Variants in MAGI2 observed in about 807,000 individuals in gnomAD.
The protein encoded by MAGI2 is membrane associated guanylate kinase, WW and PDZ domain containing 2.
A neutral mutation model predicts 133.3 loss-of-function variants in MAGI2; 35 were observed. That is an observed-to-expected ratio of 0.26 (90% CI 0.20 to 0.35). MAGI2 has a LOEUF of 0.35. MAGI2 is among the 10% of genes least tolerant of loss of function. MAGI2 has a pLI of 1.00. For synonymous variants in MAGI2, 729 were observed against 710.6 expected, an observed-to-expected ratio of 1.03 and a Z score of -0.41; for missense variants, 1,636 against 1,863.4, an observed-to-expected ratio of 0.88 and a Z score of 2.25.
chr7:78,472,354 T>G (rs562116021), intron 6 of MAGI2, among the ~76,000 whole-genome samples: 2 of 152,124 alleles, frequency 1.3e-5, no homozygotes, highest in East Asian at 1.9e-4. Flanking sequence ...TGAATAGAAG[T>G]CAACAACTTT....
chr7:79,187,368 T>C (rs1172912771), intron 1 of MAGI2, among the ~76,000 whole-genome samples: 7 of 151,708 alleles, frequency 4.6e-5, no homozygotes, highest in South Asian at 2.1e-4. Flanking sequence ...CTATCTCAGG[T>C]AGAACGATTA....
chr7:78,547,756 C>T (rs180713641), intron 3 of MAGI2, among the ~76,000 whole-genome samples: 2 of 152,338 alleles, frequency 1.3e-5, no homozygotes, highest in African/African-American at 4.8e-5. Context: ...CCAGAGAAAA[C>T]CCACACAGAC....
intron 1 of MAGI2, among the ~76,000 whole-genome samples, chr7:79,332,174 T>C (rs1240285281): frequency 1.3e-5 from 2 of 152,168 alleles, no homozygotes; most frequent in Non-Finnish European, 2.9e-5. Flanking sequence ...AAGGGATGAT[T>C]AGTGCAAAAG....
intron 3 of MAGI2, among the ~76,000 whole-genome samples, chr7:78,555,715 C>T (rs1299869711): frequency 1.3e-5 from 2 of 152,146 alleles, no homozygotes; most frequent in South Asian, 2.1e-4. Flanking sequence ...CTTACCATTA[C>T]CACATTTGAG....
chr7:78,891,316 C>T (rs1669844639), intron 2 of MAGI2, among the ~76,000 whole-genome samples: 2 of 152,166 alleles, frequency 1.3e-5, no homozygotes, highest in African/African-American at 4.8e-5. Context: ...GGAGCTGGTA[C>T]CATTAATTCT....
At chr7:79,336,297 G>T (rs1429302928) in intron 1 of MAGI2, among the ~76,000 whole-genome samples, 1 of 152,018 alleles carries the variant, frequency 6.6e-6, no homozygotes, top group Non-Finnish European at 1.5e-5. Flanking sequence ...GCTCTGACAG[G>T]ATTTGAGGCT....
intron 6 of MAGI2, among the ~76,000 whole-genome samples, chr7:78,384,162 T>A (rs550157259): frequency 6.6e-6 from 1 of 152,312 alleles, no homozygotes; most frequent in Admixed American, 6.5e-5. Context: ...GGGATTGCCC[T>A]GAATCTGTAG....
chr7:78,264,845 A>G (rs1183308448), intron 9 of MAGI2, among the ~76,000 whole-genome samples: 6 of 146,060 alleles, frequency 4.1e-5, no homozygotes, highest in Admixed American at 3.3e-4. Context: ...CATATAAGGC[A>G]CTGGGAAATT....
At chr7:79,230,813 A>T (rs1831302860) in intron 1 of MAGI2, among the ~76,000 whole-genome samples, 1 of 150,184 alleles carries the variant, frequency 6.7e-6, no homozygotes, top group Non-Finnish European at 1.5e-5. Flanking sequence ...CCCATTTGTC[A>T]ATTTTGTCTT....
At chr7:78,678,249 T>G (rs1304428948) in intron 2 of MAGI2, among the ~76,000 whole-genome samples, 1 of 152,178 alleles carries the variant, frequency 6.6e-6, no homozygotes, top group African/African-American at 2.4e-5. Context: ...CCTACTACTC[T>G]GTCCCTCTAG....
chr7:79,062,377 C>G (rs1304722818), intron 1 of MAGI2, among the ~76,000 whole-genome samples: 1 of 152,122 alleles, frequency 6.6e-6, no homozygotes, highest in Admixed American at 6.6e-5. Flanking sequence ...AACATATGAA[C>G]ATTACAGTGA....
At chr7:79,009,054 G>T (rs1191475944) in intron 1 of MAGI2, 2 of 151,920 alleles carry the variant, frequency 1.3e-5, no homozygotes, top group Non-Finnish European at 2.9e-5. Flanking sequence ...GACATACCAA[G>T]TGATGAGATC....
In MAGI2 at chr7:78,621,973, T is replaced by C. The variant is rs1200873734; in HGVS notation, c.538+5147A>G. On this transcript the variant is annotated intron_variant, in intron 3 of 21. Coordinates refer to ENST00000354212, the MANE Select transcript of MAGI2 (RefSeq NM_012301.4). ...AAAACCCAATGGTGAGGCTGAAGCA[T>C]AGAAACACCATAAAATTGGCTTTCT... 2.0e-5 allele frequency among the ~76,000 whole-genome samples: 3 copies of C among 152,186 alleles called. No homozygotes were observed. In the East Asian group the frequency reaches 5.8e-4, roughly 29 times the overall value.
chr7:78,928,158 T>C (rs1004851252), intron 2 of MAGI2, among the ~76,000 whole-genome samples: 3 of 151,950 alleles, frequency 2.0e-5, no homozygotes, highest in Non-Finnish European at 4.4e-5. Context: ...AAAGTAAACA[T>C]AACAAATAGT....
rs200747288 is a variant in MAGI2, at chr7:78,592,340, AT to A, written c.538+34779del. Reference sequence around the variant, plus strand: ...AGGACCAGAGAGTAAATAGTAGACTATTTTTTTTTTTTTCCTGTAAAGGACC... The same window carrying A: ...AGGACCAGAGAGTAAATAGTAGACTATTTTTTTTTTTTCCTGTAAAGGACC... On this transcript the variant is annotated intron_variant, in intron 3 of 21. Coordinates refer to ENST00000354212, the MANE Select transcript of MAGI2 (RefSeq NM_012301.4). Among the ~76,000 whole-genome samples the A allele has an allele frequency of 8.7e-3, 1,286 of 147,302 alleles. 9 individuals carry two copies. Among genetic ancestry groups the A allele is most frequent in the African/African-American group, 0.027 (1,099 of 40,114 alleles).
intron 20 of MAGI2, among the ~76,000 whole-genome samples, chr7:78,085,329 G>A (rs764890560): frequency 6.6e-6 from 1 of 151,992 alleles, no homozygotes; most frequent in Non-Finnish European, 1.5e-5. Flanking sequence ...AGGAATTCAA[G>A]ACTAGCCTGA....
chr7:78,979,539 A>G lies in MAGI2; in HGVS notation c.418+27551T>C, dbSNP rs183482200. On this transcript the variant is annotated intron_variant, in intron 2 of 21. Coordinates refer to ENST00000354212, the MANE Select transcript of MAGI2 (RefSeq NM_012301.4). ...GGGGGTTTCACTTCCCTACCAGCTC[A>G]CAAAGTTATTCAAACAAACTATTCC... 8.6e-5 allele frequency among the ~76,000 whole-genome samples: 13 copies of G among 151,970 alleles called. No homozygotes were observed. In the East Asian group the frequency reaches 2.5e-3, roughly 30 times the overall value.
intron 4 of MAGI2, among the ~76,000 whole-genome samples, chr7:78,514,569 A>G (rs1795885179): frequency 6.6e-6 from 1 of 152,216 alleles, no homozygotes; most frequent in African/African-American, 2.4e-5. Context: ...CCCCGCTCAA[A>G]AAAGATAAAT....
chr7:79,223,228 G>A (rs1198236886), intron 1 of MAGI2, among the ~76,000 whole-genome samples: 2 of 152,024 alleles, frequency 1.3e-5, no homozygotes, highest in East Asian at 3.9e-4. Flanking sequence ...GGCAACTTGA[G>A]ATGACAGTTC....
Sources: gnomAD v4.1 joint callset for allele counts (sites outside exome capture counted in the v4.1 genomes callset) on GRCh38, gnomAD v4.1.1 for gene constraint, MANE v1.5 for transcripts, NCBI Gene and HGNC (gene_info 2026-07-23, HGNC 2026-07-21) for gene names.